Variants in TLE3 observed in about 807,000 individuals in gnomAD.
TLE3 encodes the protein TLE family member 3, transcriptional corepressor.
TLE3 carries 14 observed loss-of-function variants against 93.0 expected under a neutral mutation model. That is an observed-to-expected ratio of 0.15 (90% CI 0.10 to 0.24). TLE3 has a LOEUF of 0.24. TLE3 is among the 10% of genes least tolerant of loss of function. TLE3 has a pLI of 1.00. For missense variants in TLE3, 693 were observed against 1,046.6 expected (o/e 0.66, Z 4.66); for synonymous variants, 451 against 425.0 (o/e 1.06, Z -0.75).
intron 4 of TLE3, among the ~76,000 whole-genome samples, chr15:70,090,442 C>T (rs952041946): frequency 6.6e-6 from 1 of 152,202 alleles, no homozygotes; most frequent in African/African-American, 2.4e-5. Context: ...CCCACATTCT[C>T]CTATCAAGAT....
intron 8 of TLE3, chr15:70,060,871 A>C: frequency 1.6e-6 from 1 of 625,940 alleles, no homozygotes; most frequent in Non-Finnish European, 2.9e-6. Context: ...GCGCATCCCC[A>C]ATTCTCTTTT....
rs777651346 is a variant in TLE3, at chr15:70,054,420, T to TC, written c.1826+17dup. 6.2e-7 allele frequency: 1 copy of TC among 1,605,376 alleles called. No homozygotes were observed. The highest frequency in any genetic ancestry group is 8.5e-7 in the Non-Finnish European group (1 of 1,173,894). On this transcript the variant is annotated intron_variant, in intron 16 of 19. Transcript: ENST00000451782. ...CTTCCCCAGGACGAGGCACTAATGC[T>TC]CCCTCCTGCCGGCTCACCTGACCAG... is the stretch of plus-strand genomic sequence containing the variant.
At position 70,055,238 on chromosome 15, in the gene TLE3, G is replaced by A. The variant is rs201049660; in HGVS notation, c.1389C>T (p.Asp463=). ...GQMQPVPFPH[D]ALAGPGIPRH... is the part of the protein sequence containing the mutation. Reference sequence around the variant, plus strand: ...TCGGGATGCCGGGGCCTGCCAGGGCGTCGTGGGGGAAGGGCACGGGCTGCA... The same window carrying A: ...TCGGGATGCCGGGGCCTGCCAGGGCATCGTGGGGGAAGGGCACGGGCTGCA... Residue 463 remains aspartate, a synonymous_variant, in exon 15 of 20, where the codon GAC becomes GAT. Transcript: ENST00000451782. 1.0e-4 allele frequency: 169 copies of A among 1,612,272 alleles called. No individual in the cohort carries two copies. The East Asian group carries it at 2.5e-3, about 24-fold the overall frequency.
chr15:70,095,711 G>A, intron 2 of TLE3, 70 bp from the exon 3 acceptor site: 1 of 1,510,852 alleles, frequency 6.6e-7, no homozygotes. Flanking sequence ...CGACCCAAGG[G>A]CCTCTAGAGC....
chr15:70,059,815 TC>T (rs1288465081), intron 9 of TLE3, among the ~76,000 whole-genome samples: 3 of 152,226 alleles, frequency 2.0e-5, no homozygotes, highest in African/African-American at 7.2e-5. Flanking sequence ...ACATCCACCA[TC>T]CTTCACAGTC....
chr15:70,096,787 C>T lies in TLE3; in HGVS notation c.12G>A (p.Gln4=). 1.2e-6 allele frequency: 2 copies of T among 1,613,324 alleles called. No individual in the cohort carries two copies. The highest frequency in any genetic ancestry group is 1.7e-5 in the Admixed American group (1 of 59,972). Residue 4 remains glutamine, a synonymous_variant, in exon 1 of 20, where the codon CAG becomes CAA. Transcript: ENST00000451782. MYP[Q]GRHPAPHQPG... The stretch of plus-strand genomic sequence containing the variant: ...TGCAATTACTCACCGGATGTCTGCC[C>T]TGCGGATACATGGCAGGGAGGGGTC...
intron 16 of TLE3, chr15:70,053,604 T>G (rs1595861759): frequency 1.6e-5 from 6 of 372,914 alleles, no homozygotes; most frequent in East Asian, 1.1e-4. Flanking sequence ...CCCTGGGAAA[T>G]GGGGGGGGGA....
At chr15:70,061,433 G>A (rs972345133) in intron 8 of TLE3, among the ~76,000 whole-genome samples, 4 of 152,084 alleles carry the variant, frequency 2.6e-5, no homozygotes, top group African/African-American at 4.8e-5. Context: ...CCAAAATTTC[G>A]TGAGTTCTCC....
At position 70,097,722 on chromosome 15, in the gene TLE3, C is replaced by T. The variant is rs963736000; in HGVS notation, c.-924G>A. 1.0e-5 allele frequency: 4 copies of T among 396,066 alleles called. No individual in the cohort carries two copies. The highest frequency in any genetic ancestry group is 1.8e-5 in the Non-Finnish European group (4 of 224,760). The allele number at this position is 396,066 out of a possible 1,614,324, so 24.5% of individuals were successfully genotyped here. On this transcript the variant is annotated 5_prime_UTR_variant, in exon 1 of 20. Transcript: ENST00000451782. ...GGGGAGCTCTACGGCTTCCTTCCTT[C>T]CCCTCGGCCCGGCTCTCCTCTCCGC...
At position 70,054,494 on chromosome 15, in the gene TLE3, G is replaced by A. The variant is rs781275617; in HGVS notation, c.1770C>T (p.Ser590=). 2 of 1,614,036 alleles carry A rather than the reference G, an allele frequency of 1.2e-6. No homozygotes were observed. The highest frequency in any genetic ancestry group is 2.2e-5 in the South Asian group (2 of 91,090). The change falls in exon 16 of 20, where the codon TCC becomes TCT. Residue 590 remains serine (S), a synonymous_variant. Transcript: ENST00000451782. The part of the protein sequence containing the change: ...AISPDAKVCF[S]CCSDGNIAVW... ...CAGCAATGTTCCCATCGCTGCAGCA[G>A]GAGAAGCAGACTTTGGCGTCAGGGC...
intron 4 of TLE3, among the ~76,000 whole-genome samples, chr15:70,085,353 A>T (rs768725229): frequency 6.6e-6 from 1 of 152,216 alleles, no homozygotes; most frequent in Non-Finnish European, 1.5e-5. Context: ...ATCACCCGGC[A>T]AGAACTTGTG....
intron 13 of TLE3, 41 bp from the exon 14 acceptor site, chr15:70,056,415 C>A: frequency 4.5e-6 from 7 of 1,571,968 alleles, no homozygotes; most frequent in Non-Finnish European, 6.1e-6. Flanking sequence ...AGCCGTGCTG[C>A]CACACACCCC....
Position 70,097,055 on chromosome 15 carries a change from C to T in TLE3, c.-257G>A, listed in dbSNP as rs2058602152. The T allele has an allele frequency of 5.8e-6, 3 of 518,884 alleles. No individual in the cohort carries two copies. Among genetic ancestry groups the T allele is most frequent in the African/African-American group, 2.0e-5 (1 of 48,874 alleles). 32.1% of individuals were successfully genotyped at this position (518,884 alleles called of 1,614,324 possible). A position where few individuals can be genotyped will look rare whatever the true frequency, so the allele number is the denominator to read the frequency against. ...GGCGGCGGGCGCGGGCTTTGTGCGC[C>T]TAGGGCTCGGCGGGCAGCGGCCGGC... On this transcript the variant is annotated 5_prime_UTR_variant, in exon 1 of 20. An upstream open reading frame in the 5' UTR loses its in-frame stop. Transcript: ENST00000451782.
chr15:70,065,984 G>GCCCCCCCC, intron 7 of TLE3, 30 bp downstream of exon 7: 1 of 768,872 alleles, frequency 1.3e-6, no homozygotes, highest in Non-Finnish European at 2.1e-6. Context: ...CCCCTGCCCC[G>GCCCCCCCC]CCCCACCCTC....
rs1361148266 is a variant in TLE3, at chr15:70,097,027, C to A, written c.-229G>T. On this transcript the variant is annotated 5_prime_UTR_variant, in exon 1 of 20. Transcript: ENST00000451782. ...GCAAAGTCGTCGGCGGGCGCCGGGG[C>A]CGGGCGGCGGGCGCGGGCTTTGTGC... 7.0e-6 allele frequency: 4 copies of A among 570,344 alleles called. No homozygotes were observed. Among genetic ancestry groups the A allele is most frequent in the African/African-American group, 6.1e-5 (3 of 49,066 alleles). 35.3% of individuals were successfully genotyped at this position (570,344 alleles called of 1,614,324 possible).
intron 4 of TLE3, among the ~76,000 whole-genome samples, chr15:70,091,413 T>G (rs971107343): frequency 6.6e-6 from 1 of 152,206 alleles, no homozygotes; most frequent in Non-Finnish European, 1.5e-5. Flanking sequence ...TGGCTGACAC[T>G]GGAAAGCCTC....
At chr15:70,085,047 A>G (rs2057978829) in intron 4 of TLE3, among the ~76,000 whole-genome samples, 2 of 152,230 alleles carry the variant, frequency 1.3e-5, no homozygotes. Context: ...CAGTAGCCAT[A>G]TTTCAAGTGC....
intron 6 of TLE3, among the ~76,000 whole-genome samples, chr15:70,067,977 G>C (rs2056919559): frequency 6.6e-6 from 1 of 152,200 alleles, no homozygotes; most frequent in African/African-American, 2.4e-5. Flanking sequence ...AAAGCTATGG[G>C]GGCCCCTGGA....
intron 5 of TLE3, among the ~76,000 whole-genome samples, chr15:70,074,911 G>A (rs80159870): frequency 0.021 from 3,226 of 152,322 alleles, 143 homozygotes; most frequent in East Asian, 0.21. Context: ...TGCAATTTGC[G>A]TATGAGCTGG....
Sources: allele counts gnomAD v4.1 joint callset (sites outside exome capture counted in the v4.1 genomes callset), GRCh38; gene constraint gnomAD v4.1.1; transcripts MANE v1.5; gene names NCBI Gene and HGNC (gene_info 2026-07-23, HGNC 2026-07-21).